Variants in CSMD1 observed in about 807,000 individuals in gnomAD.
CSMD1 encodes the protein CUB and Sushi multiple domains 1, also known as CUB and sushi domain-containing protein 1.
A neutral mutation model predicts 417.5 loss-of-function variants in CSMD1; 213 were observed. The observed-to-expected ratio is 0.51, with a 90% CI of 0.46 to 0.57. The LOEUF is 0.57. CSMD1 is among the 20% of genes least tolerant of loss of function. The pLI is 0.00. For synonymous variants in CSMD1, 2,862 were observed against 1,736.8 expected (o/e 1.65, Z -16.11); for missense variants, 6,923 against 4,529.7 (o/e 1.53, Z -15.17).
chr8:3,668,830 T>C (rs544256410), intron 7 of CSMD1, among the ~76,000 whole-genome samples: 14 of 152,298 alleles, frequency 9.2e-5, no homozygotes, highest in Middle Eastern at 3.4e-3. Context: ...AGTAAAGTTA[T>C]AGAATGAACA....
chr8:3,366,402 C>A (rs13266065), intron 20 of CSMD1, among the ~76,000 whole-genome samples: 67,719 of 151,986 alleles, frequency 0.45, 15,117 homozygotes, highest in Admixed American at 0.54. Flanking sequence ...ATTAGCATCT[C>A]TGTCATAGAA....
chr8:4,436,958 G>A (rs547004863), intron 2 of CSMD1, among the ~76,000 whole-genome samples: 16 of 152,238 alleles, frequency 1.1e-4, no homozygotes, highest in Admixed American at 1.0e-3. Flanking sequence ...TACCTAGAGT[G>A]TACAGTGCTG....
At chr8:3,190,761 T>C (rs1037666016) in intron 33 of CSMD1, among the ~76,000 whole-genome samples, 1 of 152,180 alleles carries the variant, frequency 6.6e-6, no homozygotes, top group African/African-American at 2.4e-5. Flanking sequence ...GATGAACAGA[T>C]AAAGAAAACG....
intron 1 of CSMD1, among the ~76,000 whole-genome samples, chr8:4,979,624 T>A: frequency 6.6e-6 from 1 of 152,252 alleles, no homozygotes; most frequent in East Asian, 1.9e-4. Flanking sequence ...AATTGTCTAA[T>A]TGTTCTAATT....
chr8:3,909,302 T>G (rs186915666), intron 5 of CSMD1, among the ~76,000 whole-genome samples: 1 of 152,190 alleles, frequency 6.6e-6, no homozygotes, highest in Admixed American at 6.5e-5. Flanking sequence ...GTCTGTAACT[T>G]TTACTTCTCC....
chr8:3,817,167 C>T (rs1026071176), intron 5 of CSMD1, among the ~76,000 whole-genome samples: 23 of 148,380 alleles, frequency 1.6e-4, no homozygotes, highest in Admixed American at 1.2e-3. Flanking sequence ...TAGAAAGAGA[C>T]GACCCCTCCC....
rs80111992 is a variant in CSMD1 at position 3,771,679 on chromosome 8, C to T, written c.819-17637G>A. On this transcript the variant is annotated intron_variant, in intron 5 of 69. Transcript: ENST00000635120. ...GAAGCAAAACACAGGAGGAAGAGAA[C>T]GGAGAGGCCCCTAAAGACCTCGAGG... is the stretch of plus-strand genomic sequence containing the variant. Among the ~76,000 whole-genome samples, 158 of 152,200 alleles carry T rather than the reference C, an allele frequency of 1.0e-3. No homozygotes were observed. In the East Asian group the frequency reaches 0.018, roughly 17 times the overall value.
At chr8:4,850,830 C>G (rs957850769) in intron 1 of CSMD1, among the ~76,000 whole-genome samples, 1 of 152,100 alleles carries the variant, frequency 6.6e-6, no homozygotes, top group Non-Finnish European at 1.5e-5. Context: ...CCAGTGGCAT[C>G]CTTTTGCTGA....
intron 5 of CSMD1, among the ~76,000 whole-genome samples, chr8:3,978,755 G>C (rs181007501): frequency 9.9e-5 from 15 of 152,268 alleles, no homozygotes; most frequent in Admixed American, 9.2e-4. Flanking sequence ...TACGACATCA[G>C]TGCATGACGG....
At chr8:3,741,978 G>GTT (rs1207725319) in intron 6 of CSMD1, among the ~76,000 whole-genome samples, 10 of 94,108 alleles carry the variant, frequency 1.1e-4, no homozygotes, top group Non-Finnish European at 1.8e-4. Flanking sequence ...AAAGAATCTT[G>GTT]GTTTTTTTTT....
chr8:3,718,656 G>A (rs766326387), intron 6 of CSMD1, among the ~76,000 whole-genome samples: 1 of 152,144 alleles, frequency 6.6e-6, no homozygotes, highest in East Asian at 1.9e-4. Context: ...GAGGATTAGC[G>A]TGAGAATGTC....
chr8:4,115,964 TTTTA>T (rs35791469), intron 3 of CSMD1, among the ~76,000 whole-genome samples: 27,075 of 133,726 alleles, frequency 0.2, 2,938 homozygotes, highest in South Asian at 0.26. Flanking sequence ...GTTTTCATTA[TTTTA>T]TTTATTTATT....
chr8:3,800,094 G>A (rs1282709739), intron 5 of CSMD1, among the ~76,000 whole-genome samples: 1 of 152,138 alleles, frequency 6.6e-6, no homozygotes, highest in Non-Finnish European at 1.5e-5. Flanking sequence ...CAGGCTTTGT[G>A]CTAAGATCCA....
At chr8:4,566,979 A>C (rs1563293063) in intron 2 of CSMD1, among the ~76,000 whole-genome samples, 2 of 152,150 alleles carry the variant, frequency 1.3e-5, no homozygotes, top group Non-Finnish European at 2.9e-5. Context: ...TGGAGAAAAC[A>C]TCACTTTCTC....
chr8:4,500,505 A>C (rs1432147146), intron 2 of CSMD1, among the ~76,000 whole-genome samples: 2 of 152,180 alleles, frequency 1.3e-5, no homozygotes, highest in Non-Finnish European at 2.9e-5. Context: ...CTTTTGTGTA[A>C]ATTGAAGCAT....
chr8:3,718,043 C>A (rs1005859189), intron 6 of CSMD1, among the ~76,000 whole-genome samples: 6 of 152,124 alleles, frequency 3.9e-5, no homozygotes, highest in Non-Finnish European at 5.9e-5. Context: ...TGTTTTAGTA[C>A]ATAAAAGAAA....
intron 1 of CSMD1, among the ~76,000 whole-genome samples, chr8:4,848,767 C>T (rs534569103): frequency 1.3e-5 from 2 of 152,318 alleles, no homozygotes; most frequent in African/African-American, 4.8e-5. Flanking sequence ...TAGTCTCAGA[C>T]TGCTGACCTC....
At chr8:3,043,110 A>G (rs913143852) in intron 50 of CSMD1, among the ~76,000 whole-genome samples, 3 of 151,214 alleles carry the variant, frequency 2.0e-5, no homozygotes, top group African/African-American at 7.3e-5. Flanking sequence ...CTAGGTCACT[A>G]TGGTGATATA....
At chr8:3,558,067 AGT>A (rs1799238270) in intron 10 of CSMD1, among the ~76,000 whole-genome samples, 1 of 115,182 alleles carries the variant, frequency 8.7e-6, no homozygotes, top group African/African-American at 3.1e-5. Flanking sequence ...GATGATGAAT[AGT>A]GCCTCAATAG....
Sources: allele counts gnomAD v4.1 joint callset (sites outside exome capture counted in the v4.1 genomes callset), GRCh38; gene constraint gnomAD v4.1.1; transcripts MANE v1.5; gene names NCBI Gene and HGNC (gene_info 2026-07-23, HGNC 2026-07-21).